CXCL13: variants seen among roughly 807,000 people sequenced by gnomAD.
The protein encoded by CXCL13 is C-X-C motif chemokine 13.
In CXCL13, 7 loss-of-function variants were observed where a neutral mutation model predicts 12.2. The ratio of observed to expected loss-of-function variants is 0.57; its 90% CI spans 0.33 to 1.07. The LOEUF (loss-of-function observed/expected upper bound fraction) is 1.07. Ranked by LOEUF, CXCL13 falls within the 50% of genes least tolerant of loss-of-function variation. The pLI, the probability that CXCL13 is intolerant of heterozygous loss-of-function variation, is 0.04. For missense variants in CXCL13, 113 were observed against 127.4 expected (o/e 0.89, Z 0.55); for synonymous variants, 47 against 42.4 (o/e 1.11, Z -0.42).
intron 1 of CXCL13, among the ~76,000 whole-genome samples, chr4:77,514,706 G>A (rs1053234191): frequency 6.6e-6 from 1 of 151,690 alleles, no homozygotes; most frequent in Non-Finnish European, 1.5e-5. Context: ...CTGGATATTA[G>A]CCCTTTGTCA....
chr4:77,610,140 C>G (rs1228492955), intron 2 of CXCL13, among the ~76,000 whole-genome samples: 1 of 152,084 alleles, frequency 6.6e-6, no homozygotes, highest in East Asian at 1.9e-4. Context: ...GCAATCTGCT[C>G]TGCAGCATGC....
At position 77,561,043 on chromosome 4, in the gene CXCL13, G is replaced by T. The variant is rs551214495; in HGVS notation, c.-42-44781G>T. 2.0e-5 allele frequency among the ~76,000 whole-genome samples: 3 copies of T among 152,234 alleles called. No homozygotes were observed. In the East Asian group the frequency reaches 5.8e-4, roughly 29 times the overall value. ...ACAAGCTGGTTATGTTCCATTTAAG[G>T]CTAACAGTTCTCATGGTTATAATTA... On this transcript the variant is annotated intron_variant, in intron 1 of 4. Coordinates refer to the CXCL13 transcript ENST00000286758.
At chr4:77,538,499 C>T (rs554363638) in intron 1 of CXCL13, among the ~76,000 whole-genome samples, 2 of 151,416 alleles carry the variant, frequency 1.3e-5, no homozygotes, top group African/African-American at 4.9e-5. Context: ...CTTTTCTCCA[C>T]ACCCACCCTC....
At position 77,563,013 on chromosome 4, in the gene CXCL13, A is replaced by G. The variant is rs147838233; in HGVS notation, c.-42-42811A>G. Among the ~76,000 whole-genome samples, 677 of 152,144 alleles carry G rather than the reference A, an allele frequency of 4.4e-3. 18 individuals are homozygous for G. The highest frequency in any genetic ancestry group is 0.027 in the East Asian group (139 of 5,160). ...AAGCTTTGTTCTTTCACTCTTTTCAATAAATCTTGCTGCTTCTCACTCTTT... is the reference window on the plus strand; with the variant it reads ...AAGCTTTGTTCTTTCACTCTTTTCAGTAAATCTTGCTGCTTCTCACTCTTT... On this transcript the variant is annotated intron_variant, in intron 1 of 4. Coordinates refer to the CXCL13 transcript ENST00000286758.
At chr4:77,589,094 G>A (rs1051184682) in intron 1 of CXCL13, among the ~76,000 whole-genome samples, 1 of 152,222 alleles carries the variant, frequency 6.6e-6, no homozygotes, top group African/African-American at 2.4e-5. Context: ...ATTGGGCAGA[G>A]TTGAGGAAAT....
chr4:77,544,122 A>G (rs899532613), intron 1 of CXCL13, among the ~76,000 whole-genome samples: 1 of 152,238 alleles, frequency 6.6e-6, no homozygotes, highest in African/African-American at 2.4e-5. Flanking sequence ...TACATGTGCA[A>G]CATTTTCTTA....
chr4:77,528,056 T>A (rs1239583854), intron 1 of CXCL13, among the ~76,000 whole-genome samples: 1 of 152,210 alleles, frequency 6.6e-6, no homozygotes, highest in Non-Finnish European at 1.5e-5. Context: ...TGCGATAGTT[T>A]GCTGAGAATG....
upstream of CXCL13, among the ~76,000 whole-genome samples, chr4:77,602,741 A>C (rs1189311566): frequency 6.6e-6 from 1 of 152,268 alleles, no homozygotes; most frequent in Non-Finnish European, 1.5e-5. Flanking sequence ...TTTCTAAACA[A>C]GGGTATCTAT....
intron 1 of CXCL13, among the ~76,000 whole-genome samples, chr4:77,594,891 C>A (rs1383167376): frequency 6.6e-6 from 1 of 151,852 alleles, no homozygotes; most frequent in African/African-American, 2.4e-5. Context: ...GCACGTCCTG[C>A]ACATGTATCC....
chr4:77,600,781 ATCTGATTTTGCAACC>A (rs1219730692), intron 1 of CXCL13, among the ~76,000 whole-genome samples: 3 of 152,178 alleles, frequency 2.0e-5, no homozygotes, highest in Non-Finnish European at 4.4e-5. Flanking sequence ...CCAATATGCA[ATCTGATTTTGCAACC>A]TCAGGAATAA....
chr4:77,570,203 A>G (rs573134933), intron 1 of CXCL13, among the ~76,000 whole-genome samples: 1 of 152,328 alleles, frequency 6.6e-6, no homozygotes, highest in Admixed American at 6.5e-5. Context: ...CCATTCTGGA[A>G]TGGACAAGGA....
chr4:77,547,273 C>T (rs1725389259), intron 1 of CXCL13, among the ~76,000 whole-genome samples: 1 of 152,132 alleles, frequency 6.6e-6, no homozygotes, highest in Non-Finnish European at 1.5e-5. Flanking sequence ...GAGTTCAATT[C>T]CTGGATATCC....
At chr4:77,582,988 A>G (rs772329950) in intron 1 of CXCL13, among the ~76,000 whole-genome samples, 2 of 152,202 alleles carry the variant, frequency 1.3e-5, no homozygotes, top group Non-Finnish European at 2.9e-5. Flanking sequence ...ATGGCTGAAG[A>G]TGCCATTATA....
At chr4:77,535,391 C>A (rs1274301668) in intron 1 of CXCL13, among the ~76,000 whole-genome samples, 1 of 152,116 alleles carries the variant, frequency 6.6e-6, no homozygotes, top group Non-Finnish European at 1.5e-5. Flanking sequence ...CAAACTTAGT[C>A]CTCAAATCTC....
intron 1 of CXCL13, among the ~76,000 whole-genome samples, chr4:77,513,486 C>T (rs1204220633): frequency 6.6e-6 from 1 of 151,186 alleles, no homozygotes; most frequent in African/African-American, 2.4e-5. Flanking sequence ...GAGTCTCACT[C>T]TATTGCCCAG....
At chr4:77,592,375 A>C (rs1726634355) in intron 1 of CXCL13, among the ~76,000 whole-genome samples, 1 of 152,120 alleles carries the variant, frequency 6.6e-6, no homozygotes. Context: ...ATCTAAGAAA[A>C]CATTGAAATC....
intron 1 of CXCL13, among the ~76,000 whole-genome samples, chr4:77,556,050 A>T (rs1378284220): frequency 6.6e-6 from 1 of 152,236 alleles, no homozygotes. Context: ...ACAGTTGAAC[A>T]GTTCCTTACT....
rs750805837 is a variant in CXCL13 at position 77,589,785 on chromosome 4, T to G, written c.-42-16039T>G. On this transcript the variant is annotated intron_variant, in intron 1 of 4. Coordinates refer to the CXCL13 transcript ENST00000286758. ...TGGAGACATGGACATTGACAGATAC[T>G]CATGTTTTCAACTGGCCCAAGCTGT... Among the ~76,000 whole-genome samples the G allele has an allele frequency of 9.9e-4, 151 of 152,202 alleles. 1 individual carries two copies. Among genetic ancestry groups the G allele is most frequent in the Non-Finnish European group, 2.9e-4 (20 of 68,038 alleles).
intron 1 of CXCL13, among the ~76,000 whole-genome samples, chr4:77,587,166 G>A (rs537459500): frequency 6.6e-6 from 1 of 152,178 alleles, no homozygotes; most frequent in South Asian, 2.1e-4. Context: ...AACAATATCC[G>A]GTAAGTCTGA....
Sources: allele counts gnomAD v4.1 joint callset (sites outside exome capture counted in the v4.1 genomes callset), GRCh38; gene constraint gnomAD v4.1.1; transcripts MANE v1.5; gene names NCBI Gene and HGNC (gene_info 2026-07-23, HGNC 2026-07-21).